The following MOXD1 variants were observed in gnomAD, a reference collection of about 807,000 sequenced individuals.
MOXD1 encodes the protein monooxygenase DBH like 1, also known as DBH-like monooxygenase protein 1.
Under a neutral mutation model 66.6 loss-of-function variants are expected in MOXD1, and 62 were observed. That is an observed-to-expected ratio of 0.93 (90% CI 0.76 to 1.15). The LOEUF is 1.15. Among genes scored for constraint, MOXD1 ranks in the 50% most tolerant of loss-of-function variants. The pLI, the probability that MOXD1 is intolerant of heterozygous loss-of-function variation, is 0.00. For synonymous variants in MOXD1, 303 were observed against 281.9 expected (o/e 1.07, Z -0.75); for missense variants, 847 against 754.6 (o/e 1.12, Z -1.44).
At position 132,372,946 on chromosome 6, in the gene MOXD1, C is replaced by G. The variant is rs775801830; in HGVS notation, c.463G>C (p.Ala155Pro). 18 of 1,614,000 alleles carry G rather than the reference C, an allele frequency of 1.1e-5. No individual in the cohort carries two copies. The highest frequency in any genetic ancestry group is 3.3e-5 in the South Asian group (3 of 91,064). ...WAYHHEDAGE[A>P]GPKYHDSNRG... ...TTGGAGTCATGGTACTTGGGACCAG[C>G]TTCTCCTGCATCTTCATGGTGGTAG... Residue 155 changes from alanine to proline, a missense_variant, in exon 3 of 12, where the codon GCT becomes CCT. Physicochemically the swap from Ala to Pro is conservative, Grantham distance 27. Transcript: ENST00000367963.
intron 1 of MOXD1, among the ~76,000 whole-genome samples, chr6:132,397,552 T>A (rs1056355180): frequency 6.6e-6 from 1 of 151,540 alleles, no homozygotes; most frequent in Admixed American, 6.6e-5. Context: ...TATATGATGG[T>A]TGAATTGTTG....
At chr6:132,357,557 T>C (rs1204185921) in intron 4 of MOXD1, among the ~76,000 whole-genome samples, 14 of 140,866 alleles carry the variant, frequency 9.9e-5, no homozygotes, top group Admixed American at 9.7e-4. Flanking sequence ...TAATATACCA[T>C]ATAAAAATCT....
At chr6:132,367,537 C>T (rs1444744982) in intron 4 of MOXD1, among the ~76,000 whole-genome samples, 2 of 152,010 alleles carry the variant, frequency 1.3e-5, no homozygotes, top group African/African-American at 4.8e-5. Flanking sequence ...TCTTAAAACC[C>T]AGCAATGGTC....
chr6:132,392,453 C>A (rs1329554523), intron 1 of MOXD1, among the ~76,000 whole-genome samples: 1 of 152,310 alleles, frequency 6.6e-6, no homozygotes, highest in East Asian at 1.9e-4. Flanking sequence ...TCATCGGCTG[C>A]ATTACTTGCC....
intron 8 of MOXD1, among the ~76,000 whole-genome samples, chr6:132,322,305 T>A (rs1775092570): frequency 6.6e-6 from 1 of 152,184 alleles, no homozygotes; most frequent in African/African-American, 2.4e-5. Context: ...ATATCCTATC[T>A]CTTCAACATA....
At chr6:132,372,269 G>T (rs1012157315) in intron 4 of MOXD1, among the ~76,000 whole-genome samples, 5 of 152,078 alleles carry the variant, frequency 3.3e-5, no homozygotes, top group Non-Finnish European at 7.4e-5. Flanking sequence ...ACCTTCATGG[G>T]TATAATTTAT....
chr6:132,367,967 T>C (rs958569682), intron 4 of MOXD1, among the ~76,000 whole-genome samples: 3 of 152,058 alleles, frequency 2.0e-5, no homozygotes, highest in Non-Finnish European at 4.4e-5. Flanking sequence ...GATGATGATT[T>C]TGGCTGGCTG....
At chr6:132,305,747 T>A (rs2114535534) in intron 10 of MOXD1, among the ~76,000 whole-genome samples, 1 of 152,078 alleles carries the variant, frequency 6.6e-6, no homozygotes, top group South Asian at 2.1e-4. Flanking sequence ...CCCAGCAAAG[T>A]GCAGCAGCCC....
chr6:132,312,546 T>G (rs1407561548), intron 10 of MOXD1, among the ~76,000 whole-genome samples: 1 of 152,116 alleles, frequency 6.6e-6, no homozygotes, highest in Non-Finnish European at 1.5e-5. Flanking sequence ...GGCTCTTTTG[T>G]GCTCATATTT....
chr6:132,362,016 A>C (rs1263494367), intron 4 of MOXD1, among the ~76,000 whole-genome samples: 1 of 152,124 alleles, frequency 6.6e-6, no homozygotes, highest in Non-Finnish European at 1.5e-5. Flanking sequence ...TTCCACATAT[A>C]ATTTTTCCTG....
Position 132,387,446 on chromosome 6 carries a change from A to G in MOXD1, c.265-12669T>C, listed in dbSNP as rs765021820. 2.2e-4 allele frequency among the ~76,000 whole-genome samples: 33 copies of G among 151,154 alleles called. 1 individual carries two copies. The highest frequency in any genetic ancestry group is 4.1e-4 in the Non-Finnish European group (28 of 67,658). The stretch of plus-strand genomic sequence containing the variant: ...AAGTCCTCATTATGTAACCTAATGT[A>G]GCCAGTCTATTAATAATGAGTTTGG... On this transcript the variant is annotated intron_variant, in intron 1 of 11. Coordinates refer to ENST00000367963, the MANE Select transcript of MOXD1 (RefSeq NM_015529.4).
intron 4 of MOXD1, among the ~76,000 whole-genome samples, chr6:132,365,294 A>C (rs1456979630): frequency 6.6e-6 from 1 of 152,108 alleles, no homozygotes; most frequent in Admixed American, 6.5e-5. Context: ...CTCCAAACTT[A>C]TCCTCCAAGT....
chr6:132,303,271 T>C (rs1384186336), intron 10 of MOXD1, among the ~76,000 whole-genome samples: 2 of 152,104 alleles, frequency 1.3e-5, no homozygotes, highest in Non-Finnish European at 2.9e-5. Context: ...ACAGAGAACT[T>C]ACATCCAAAG....
rs898918050 is a variant in MOXD1, at chr6:132,324,023, C to A, written c.1021G>T (p.Ala341Ser). ...TGGAAGAGGCTCACCCAGAGGCCAG[C>A]CTCAATCACCCCAGCATCATATTTC... is the stretch of plus-strand genomic sequence containing the variant. Reference protein sequence around the residue: ...IRKYDAGVIEAGLWVSLFHTI... With the variant: ...IRKYDAGVIESGLWVSLFHTI... Residue 341 changes from alanine to serine, a missense_variant, in exon 7 of 12, where the codon GCT becomes TCT. Transcript: ENST00000367963. The A allele has an allele frequency of 1.9e-6, 3 of 1,613,794 alleles. No homozygotes were observed. The African/African-American group carries it at 4.0e-5, about 22-fold the overall frequency.
intron 1 of MOXD1, chr6:132,390,936 T>G (rs1035063593): frequency 2.0e-5 from 3 of 151,592 alleles, no homozygotes; most frequent in African/African-American, 4.8e-5. Flanking sequence ...AAAATGTATC[T>G]GATTATACAT....
chr6:132,315,350 T>C (rs370517368), intron 10 of MOXD1, among the ~76,000 whole-genome samples: 2 of 152,346 alleles, frequency 1.3e-5, no homozygotes, highest in South Asian at 4.1e-4. Flanking sequence ...CTTTTCCTTT[T>C]GTTCTTTCTG....
chr6:132,385,540 G>A (rs559982783), intron 1 of MOXD1, among the ~76,000 whole-genome samples: 2 of 150,738 alleles, frequency 1.3e-5, no homozygotes, highest in East Asian at 2.0e-4. Context: ...CTGAAGTTCA[G>A]TGGCACAATC....
At chr6:132,303,793 A>C (rs1190237180) in intron 10 of MOXD1, among the ~76,000 whole-genome samples, 1 of 130,570 alleles carries the variant, frequency 7.7e-6, no homozygotes, top group Non-Finnish European at 1.6e-5. Flanking sequence ...ACATATATAC[A>C]TATATACACA....
At chr6:132,331,067 C>T (rs545229220) in intron 4 of MOXD1, among the ~76,000 whole-genome samples, 2 of 152,254 alleles carry the variant, frequency 1.3e-5, no homozygotes, top group African/African-American at 2.4e-5. Flanking sequence ...GGGTAGTTAT[C>T]GTTCAAGCAT....
Sources: allele counts gnomAD v4.1 joint callset (sites outside exome capture counted in the v4.1 genomes callset), GRCh38; gene constraint gnomAD v4.1.1; transcripts MANE v1.5; gene names NCBI Gene and HGNC (gene_info 2026-07-23, HGNC 2026-07-21).